CA5A: variants seen among roughly 807,000 people sequenced by gnomAD.
The protein encoded by CA5A is carbonic anhydrase 5A, also known as carbonic anhydrase 5A, mitochondrial.
Under a neutral mutation model 37.1 loss-of-function variants are expected in CA5A, and 28 were observed. That is an observed-to-expected ratio of 0.75 (90% CI 0.56 to 1.03). CA5A has a LOEUF of 1.03. CA5A is among the 50% of genes least tolerant of loss of function. The pLI, the probability that CA5A is intolerant of heterozygous loss-of-function variation, is 0.00. For missense variants in CA5A, 444 were observed against 399.9 expected, an observed-to-expected ratio of 1.11 and a Z score of -0.94; for synonymous variants, 171 against 158.4, an observed-to-expected ratio of 1.08 and a Z score of -0.60.
At chr16:87,920,261 CCCTT>C (rs2056211914) in intron 2 of CA5A, among the ~76,000 whole-genome samples, 2 of 152,222 alleles carry the variant, frequency 1.3e-5, no homozygotes, top group East Asian at 3.8e-4. Context: ...CCTGCTCCCT[CCCTT>C]CCATTTCTTT....
chr16:87,926,794 A>T lies in CA5A; in HGVS notation c.294T>A (p.Thr98=). 1 of 1,614,188 alleles carries T rather than the reference A, an allele frequency of 6.2e-7. No homozygotes were observed. The highest frequency in any genetic ancestry group is 1.1e-5 in the South Asian group (1 of 91,084). Residue 98 remains threonine, a synonymous_variant, in exon 2 of 7, where the codon ACT becomes ACA. Coordinates refer to ENST00000649794, the MANE Select transcript of CA5A (RefSeq NM_001739.2). The stretch of plus-strand genomic sequence containing the variant: ...CAAATTCCACCTGGAAGAGGTAGCC[A>T]GTGTTCCAGATGTACAGGCAGGATG... ...EAASCLYIWN[T]GYLFQVEFDD... is the part of the protein sequence containing the mutation.
chr16:87,898,845 C>T (rs1171960059), intron 5 of CA5A, among the ~76,000 whole-genome samples: 1 of 151,724 alleles, frequency 6.6e-6, no homozygotes, highest in Non-Finnish European at 1.5e-5. Flanking sequence ...AGCGATTCTC[C>T]TGCCTCAGCC....
chr16:87,884,141 C>A (rs570481022), downstream of CA5A: 1 of 150,326 alleles, frequency 6.7e-6, no homozygotes, highest in Non-Finnish European at 1.5e-5. Flanking sequence ...CTGGGCCAGG[C>A]GCGGTGGCTC....
At chr16:87,894,663 G>A (rs1597545479) in intron 5 of CA5A, among the ~76,000 whole-genome samples, 1 of 151,576 alleles carries the variant, frequency 6.6e-6, no homozygotes, top group Non-Finnish European at 1.5e-5. Flanking sequence ...CAGATCACCT[G>A]AAGTCAGGAG....
At chr16:87,921,732 C>A (rs1412896544) in intron 2 of CA5A, among the ~76,000 whole-genome samples, 1 of 152,214 alleles carries the variant, frequency 6.6e-6, no homozygotes, top group African/African-American at 2.4e-5. Flanking sequence ...GATGCCCTTA[C>A]AAAGCCACGG....
chr16:87,894,608 G>C (rs2055774635), intron 5 of CA5A, among the ~76,000 whole-genome samples: 1 of 151,278 alleles, frequency 6.6e-6, no homozygotes, highest in African/African-American at 2.4e-5. Context: ...GCTGGGCACA[G>C]TGGCTCATGC....
At chr16:87,907,387 T>G (rs566784061) in intron 2 of CA5A, among the ~76,000 whole-genome samples, 1 of 152,220 alleles carries the variant, frequency 6.6e-6, no homozygotes, top group South Asian at 2.1e-4. Context: ...AGCATCAAAG[T>G]GCATTGATGG....
At chr16:87,898,785 A>T (rs1431624454) in intron 5 of CA5A, among the ~76,000 whole-genome samples, 1 of 136,104 alleles carries the variant, frequency 7.3e-6, no homozygotes, top group Non-Finnish European at 1.5e-5. Flanking sequence ...CCCAGACTGG[A>T]GTGCAGTGGC....
At position 87,912,791 on chromosome 16, in the gene CA5A, G is replaced by C. The variant is rs1419375252; in HGVS notation, c.341-7887C>G. Among the ~76,000 whole-genome samples the C allele has an allele frequency of 3.9e-5, 6 of 152,342 alleles. No individual in the cohort carries two copies. In the East Asian group the frequency reaches 1.2e-3, roughly 29 times the overall value. ...GATGGGTTTCTATTTGTCAGGTGAA[G>C]ATAATGGCGGCTCCAGGCAGAAAGG... On this transcript the variant is annotated intron_variant, in intron 2 of 6. Transcript: ENST00000649794.
chr16:87,896,722 C>T (rs2055807778), intron 5 of CA5A, among the ~76,000 whole-genome samples: 1 of 152,224 alleles, frequency 6.6e-6, no homozygotes, highest in African/African-American at 2.4e-5. Context: ...CTCACCACAA[C>T]CTCCACCGCC....
At chr16:87,917,132 G>GA (rs35434271) in intron 2 of CA5A, among the ~76,000 whole-genome samples, 96,996 of 145,438 alleles carry the variant, frequency 0.67, 33,702 homozygotes, top group African/African-American at 0.85. Flanking sequence ...GAAAAGAAAA[G>GA]AAAGAAAAGA....
At chr16:87,905,298 T>A (rs1344079261) in intron 2 of CA5A, among the ~76,000 whole-genome samples, 1 of 152,230 alleles carries the variant, frequency 6.6e-6, no homozygotes, top group Non-Finnish European at 1.5e-5. Context: ...TAAAAGCAGC[T>A]TAAATCCTAT....
chr16:87,907,912 G>C (rs1363681406), intron 2 of CA5A, among the ~76,000 whole-genome samples: 4 of 152,208 alleles, frequency 2.6e-5, no homozygotes, highest in Non-Finnish European at 4.4e-5. Flanking sequence ...GGCAACAAGA[G>C]TGAAACTCCG....
At chr16:87,926,992 C>T (rs531212908) in intron 1 of CA5A, 47 bp from the exon 2 acceptor site, 97 of 1,309,706 alleles carry the variant, frequency 7.4e-5, no homozygotes, top group South Asian at 5.2e-4. Context: ...GAGCTTCATC[C>T]TGTGTCTTGG....
chr16:87,897,764 T>C (rs1221864103), intron 5 of CA5A, among the ~76,000 whole-genome samples: 2 of 152,204 alleles, frequency 1.3e-5, no homozygotes, highest in Admixed American at 6.5e-5. Context: ...GGGCAAGGCC[T>C]TCTCTGCCTC....
chr16:87,892,510 A>AAAT (rs371000298), intron 5 of CA5A, among the ~76,000 whole-genome samples: 4,648 of 135,178 alleles, frequency 0.034, 113 homozygotes, highest in East Asian at 0.097. Context: ...ACTCTGTCTC[A>AAAT]AATAATAATA....
chr16:87,894,490 A>G (rs1371653953), intron 5 of CA5A, among the ~76,000 whole-genome samples: 2 of 151,998 alleles, frequency 1.3e-5, no homozygotes, highest in Non-Finnish European at 2.9e-5. Flanking sequence ...AGCTACCAGA[A>G]GGAAGCCCGG....
At chr16:87,899,326 T>C (rs1258190244) in intron 5 of CA5A, among the ~76,000 whole-genome samples, 1 of 129,744 alleles carries the variant, frequency 7.7e-6, no homozygotes, top group African/African-American at 3.0e-5. Context: ...TTTTTTGAGA[T>C]GAGTCTCGCT....
chr16:87,888,013 T>A lies in CA5A; in HGVS notation c.*116A>T, dbSNP rs2055662344. On this transcript the variant is annotated 3_prime_UTR_variant, in exon 7 of 7. Transcript: ENST00000649794. ...CTGAAAAGTACTTCGACTAAAACAA[T>A]AACCTCATGCTCTCTTTTTAATTTC... 6.9e-7 allele frequency: 1 copy of A among 1,444,160 alleles called. No individual in the cohort carries two copies. The highest frequency in any genetic ancestry group is 9.3e-7 in the Non-Finnish European group (1 of 1,080,548). The allele number at this position is 1,444,160 out of a possible 1,614,324, so 89.5% of individuals were successfully genotyped here. A position where few individuals can be genotyped will look rare whatever the true frequency, so the allele number is the denominator to read the frequency against.
Sources: gnomAD v4.1 joint callset for allele counts (sites outside exome capture counted in the v4.1 genomes callset) on GRCh38, gnomAD v4.1.1 for gene constraint, MANE v1.5 for transcripts, NCBI Gene and HGNC (gene_info 2026-07-23, HGNC 2026-07-21) for gene names.